Variants in DOCK8 observed in about 807,000 individuals in gnomAD.
The protein encoded by DOCK8 is dedicator of cytokinesis protein 8.
A neutral mutation model predicts 245.6 loss-of-function variants in DOCK8; 141 were observed. The ratio of observed to expected loss-of-function variants is 0.57; its 90% CI spans 0.50 to 0.66. The LOEUF (loss-of-function observed/expected upper bound fraction) is 0.66. Among genes scored for constraint, DOCK8 ranks in the 30% least tolerant of loss-of-function variants. The probability of loss-of-function intolerance (pLI) is 0.00; values close to 1 mark genes in which losing one functional copy is unlikely to be tolerated. For missense variants in DOCK8, 2,965 were observed against 2,603.4 expected (o/e 1.14, Z -3.02); for synonymous variants, 1,168 against 970.2 (o/e 1.20, Z -3.79).
chr9:431,751 C>T (rs2056721548), intron 36 of DOCK8, among the ~76,000 whole-genome samples: 1 of 152,118 alleles, frequency 6.6e-6, no homozygotes, highest in Non-Finnish European at 1.5e-5. Flanking sequence ...TCAAGTGATC[C>T]ACCCTCCTTG....
chr9:400,358 C>CCACCATCACCACCTCCTT (rs2054844346), intron 26 of DOCK8, among the ~76,000 whole-genome samples: 1 of 87,028 alleles, frequency 1.1e-5, no homozygotes, highest in Non-Finnish European at 2.0e-5. Context: ...ACCACCTCCT[C>CCACCATCACCACCTCCTT]CACCATCACC....
chr9:409,750 G>A (rs926819073), intron 28 of DOCK8, among the ~76,000 whole-genome samples: 1 of 149,906 alleles, frequency 6.7e-6, no homozygotes, highest in Non-Finnish European at 1.5e-5. Flanking sequence ...CCCCATGACA[G>A]TCCCCGGTGT....
At chr9:349,722 A>G (rs2052067993) in intron 14 of DOCK8, among the ~76,000 whole-genome samples, 4 of 152,192 alleles carry the variant, frequency 2.6e-5, no homozygotes, top group African/African-American at 9.7e-5. Context: ...TCGTTATCCC[A>G]TTAACAGATT....
At chr9:268,888 G>T (rs2048093604) in intron 1 of DOCK8, among the ~76,000 whole-genome samples, 2 of 152,274 alleles carry the variant, frequency 1.3e-5, no homozygotes, top group East Asian at 3.9e-4. Context: ...TTGGACAGTG[G>T]TCTAATCTGC....
chr9:229,271 C>T (rs902884392), intron 1 of DOCK8, among the ~76,000 whole-genome samples: 9 of 152,170 alleles, frequency 5.9e-5, no homozygotes, highest in African/African-American at 1.9e-4. Flanking sequence ...TCTTTCCCTA[C>T]GTATATCACA....
At chr9:326,312 T>C (rs1446048665) in intron 8 of DOCK8, among the ~76,000 whole-genome samples, 1 of 152,232 alleles carries the variant, frequency 6.6e-6, no homozygotes, top group Non-Finnish European at 1.5e-5. Context: ...AATCATTCTG[T>C]ATTTAAGGAA....
In DOCK8 at chr9:407,028, C is replaced by G; in HGVS notation, c.3489C>G (p.Leu1163=). 1 of 1,614,156 alleles carries G rather than the reference C, an allele frequency of 6.2e-7. No individual in the cohort carries two copies. The highest frequency in any genetic ancestry group is 8.5e-7 in the Non-Finnish European group (1 of 1,180,034). Reference sequence around the variant, plus strand: ...AGCAGCACTTCCTCACCGGGCTCCTCTTCACAGAACTGGCTGCTGCCCTGG... The same window carrying G: ...AGCAGCACTTCCTCACCGGGCTCCTGTTCACAGAACTGGCTGCTGCCCTGG... ...YRQQHFLTGL[L]FTELAAALDA... is the part of the protein sequence containing the mutation. The change falls in exon 28 of 48, where the codon CTC becomes CTG. Residue 1163 remains leucine (L), a synonymous_variant. Coordinates refer to ENST00000432829, the MANE Select transcript of DOCK8 (RefSeq NM_203447.4).
At chr9:298,657 G>GTGTC (rs1213114663) in intron 4 of DOCK8, among the ~76,000 whole-genome samples, 1 of 148,624 alleles carries the variant, frequency 6.7e-6, no homozygotes, top group Non-Finnish European at 1.5e-5. Flanking sequence ...GTGTGTGTCA[G>GTGTC]AGAGAGAGAG....
At chr9:400,144 T>A (rs1426584732) in intron 26 of DOCK8, among the ~76,000 whole-genome samples, 5 of 41,430 alleles carry the variant, frequency 1.2e-4, no homozygotes, top group African/African-American at 5.2e-4. Context: ...CACCACCACC[T>A]CCACCATCAC....
intron 1 of DOCK8, among the ~76,000 whole-genome samples, chr9:258,283 C>T (rs192981944): frequency 1.5e-3 from 233 of 152,334 alleles, no homozygotes; most frequent in Middle Eastern, 3.4e-3. Flanking sequence ...TAATTCACTG[C>T]CTTGGCCAGC....
At chr9:286,382 G>A in intron 2 of DOCK8, 79 bp from the exon 3 acceptor site, 1 of 1,529,970 alleles carries the variant, frequency 6.5e-7, no homozygotes, top group East Asian at 2.3e-5. Context: ...GGAAAGCAAG[G>A]CAAACATCTA....
At chr9:317,890 T>C (rs1212785905) in intron 7 of DOCK8, among the ~76,000 whole-genome samples, 1 of 152,148 alleles carries the variant, frequency 6.6e-6, no homozygotes, top group Non-Finnish European at 1.5e-5. Flanking sequence ...ACGACTACAG[T>C]CTGGTTTCAT....
chr9:447,074 A>G (rs955089508), intron 44 of DOCK8, among the ~76,000 whole-genome samples: 13 of 152,148 alleles, frequency 8.5e-5, no homozygotes, highest in African/African-American at 2.2e-4. Flanking sequence ...AAGGTAGACA[A>G]GTTCACTGAC....
chr9:383,696 G>A (rs151264851), intron 22 of DOCK8, among the ~76,000 whole-genome samples: 1,984 of 59,744 alleles, frequency 0.033, 53 homozygotes, highest in African/African-American at 0.1. Context: ...GTGAGACTCC[G>A]TCTCAAAAAA....
intron 24 of DOCK8, among the ~76,000 whole-genome samples, chr9:394,042 C>G (rs2054326163): frequency 6.6e-6 from 1 of 152,092 alleles, no homozygotes; most frequent in African/African-American, 2.4e-5. Context: ...AGCCTGGGGC[C>G]TTAGAAAAAT....
chr9:463,190 G>A (rs1007259691), intron 46 of DOCK8, among the ~76,000 whole-genome samples: 1 of 151,918 alleles, frequency 6.6e-6, no homozygotes, highest in African/African-American at 2.4e-5. Context: ...CCAGGAGGTC[G>A]AAGTTTGCCA....
chr9:298,795 C>G (rs190159624), intron 4 of DOCK8, among the ~76,000 whole-genome samples: 5 of 152,018 alleles, frequency 3.3e-5, no homozygotes, highest in African/African-American at 1.2e-4. Context: ...TAGGTAGCTG[C>G]TTCCTAATTT....
At chr9:240,433 A>G (rs576398172) in intron 1 of DOCK8, among the ~76,000 whole-genome samples, 16 of 151,890 alleles carry the variant, frequency 1.1e-4, no homozygotes, top group Admixed American at 6.6e-4. Context: ...ATTTGAGGCC[A>G]TCTTCATATG....
chr9:221,400 G>C (rs558927458), intron 1 of DOCK8, among the ~76,000 whole-genome samples: 1 of 152,292 alleles, frequency 6.6e-6, no homozygotes, highest in African/African-American at 2.4e-5. Context: ...AGTTGCATCT[G>C]TACTGAACAT....
Sources: allele counts gnomAD v4.1 joint callset (sites outside exome capture counted in the v4.1 genomes callset), GRCh38; gene constraint gnomAD v4.1.1; transcripts MANE v1.5; gene names NCBI Gene and HGNC (gene_info 2026-07-23, HGNC 2026-07-21).